The following CEP70 variants were observed in gnomAD, a reference collection of about 807,000 sequenced individuals.
CEP70 encodes centrosomal protein 70, also known as centrosomal protein of 70 kDa.
CEP70 carries 70 observed loss-of-function variants against 90.9 expected under a neutral mutation model. The observed-to-expected ratio is 0.77, with a 90% CI of 0.64 to 0.94. The LOEUF (loss-of-function observed/expected upper bound fraction) is 0.94, where lower values mean the gene tolerates loss of function less well. CEP70 is among the 40% of genes least tolerant of loss of function. The pLI, the probability that CEP70 is intolerant of heterozygous loss-of-function variation, is 0.00. For synonymous variants in CEP70, 220 were observed against 228.3 expected, an observed-to-expected ratio of 0.96 and a Z score of 0.33; for missense variants, 648 against 669.0, an observed-to-expected ratio of 0.97 and a Z score of 0.35.
intron 11 of CEP70, among the ~76,000 whole-genome samples, chr3:138,511,531 TAATA>T (rs1456698391): frequency 6.6e-6 from 1 of 152,250 alleles, no homozygotes; most frequent in African/African-American, 2.4e-5. Context: ...CAAATCTGAT[TAATA>T]AATGTTACAC....
chr3:138,587,526 T>TA (rs2042161993), intron 2 of CEP70, among the ~76,000 whole-genome samples: 1 of 150,562 alleles, frequency 6.6e-6, no homozygotes, highest in Admixed American at 6.7e-5. Flanking sequence ...CTCACACCTG[T>TA]AATCCCAGCA....
At chr3:138,535,432 A>G (rs1252892096) in intron 7 of CEP70, among the ~76,000 whole-genome samples, 2 of 152,154 alleles carry the variant, frequency 1.3e-5, no homozygotes, top group Admixed American at 1.3e-4. Flanking sequence ...ACTTACATGC[A>G]TATATGTCTA....
At chr3:138,593,807 C>T (rs1172667594) in intron 1 of CEP70, 1 of 152,150 alleles carries the variant, frequency 6.6e-6, no homozygotes, top group East Asian at 1.9e-4. Context: ...CAGCCCGGGT[C>T]GATTTTGGGG....
intron 2 of CEP70, among the ~76,000 whole-genome samples, chr3:138,588,539 T>C (rs1324843259): frequency 6.6e-6 from 1 of 152,166 alleles, no homozygotes; most frequent in Non-Finnish European, 1.5e-5. Context: ...AAACACACGA[T>C]GTGACACCAC....
At chr3:138,557,386 A>T (rs2108012479) in intron 6 of CEP70, among the ~76,000 whole-genome samples, 1 of 152,310 alleles carries the variant, frequency 6.6e-6, no homozygotes, top group East Asian at 1.9e-4. Flanking sequence ...AGCTGACAGG[A>T]TTAAGAGATT....
rs538715820 is a variant in CEP70, at chr3:138,552,317, C to T, written c.466-14970G>A. ...AATGGATTTAAACTATACCCCGGAA[C>T]AAATAAACTTAACAGATATTTACAA... On this transcript the variant is annotated intron_variant, in intron 6 of 17. Transcript: ENST00000264982. Among the ~76,000 whole-genome samples the T allele has an allele frequency of 1.2e-4, 19 of 152,256 alleles. No homozygotes were observed. In the East Asian group the frequency reaches 2.3e-3, roughly 19 times the overall value.
At chr3:138,553,133 G>A (rs552205299) in intron 6 of CEP70, among the ~76,000 whole-genome samples, 15 of 151,904 alleles carry the variant, frequency 9.9e-5, no homozygotes, top group African/African-American at 3.1e-4. Flanking sequence ...GGAAGAATTC[G>A]AAACCCTAGA....
intron 6 of CEP70, among the ~76,000 whole-genome samples, chr3:138,551,813 T>C (rs1319489449): frequency 6.7e-6 from 1 of 148,706 alleles, no homozygotes; most frequent in African/African-American, 2.5e-5. Context: ...ATGAATGGAA[T>C]AGTACCTCAC....
chr3:138,537,302 T>C lies in CEP70; in HGVS notation c.511A>G (p.Thr171Ala), dbSNP rs1460835180. Residue 171 changes from threonine to alanine, a missense_variant, in exon 7 of 18, where the codon ACT becomes GCT. By Grantham distance (58) the Thr-to-Ala change is moderately conservative (BLOSUM62 0). Transcript: ENST00000264982. The part of the protein sequence containing the change: ...YKKKRTEQEE[T>A]IASLQMEVCR... The stretch of plus-strand genomic sequence containing the variant: ...ACTTCCATTTGCAAAGAAGCAATAG[T>C]TTCTTCTTGCTCCGTTCGTTTTTTC... 2 of 1,605,970 alleles carry C rather than the reference T, an allele frequency of 1.2e-6. No individual in the cohort carries two copies. Among genetic ancestry groups the C allele is most frequent in the Non-Finnish European group, 1.7e-6 (2 of 1,177,092 alleles).
chr3:138,573,309 A>C lies in CEP70; in HGVS notation c.-5-377T>G, dbSNP rs76597130. Among the ~76,000 whole-genome samples, 852 of 152,204 alleles carry C rather than the reference A, an allele frequency of 5.6e-3. 7 individuals carry two copies. The highest frequency in any genetic ancestry group is 0.02 in the African/African-American group (820 of 41,522). Reference sequence around the variant, plus strand: ...CATTTGAAGAGCTAATGGCTAAGAAAAATTTGAGAATCAATGAAAGACATA... The same window carrying C: ...CATTTGAAGAGCTAATGGCTAAGAACAATTTGAGAATCAATGAAAGACATA... On this transcript the variant is annotated intron_variant, in intron 2 of 17. Coordinates refer to ENST00000264982, the MANE Select transcript of CEP70 (RefSeq NM_024491.4).
intron 11 of CEP70, among the ~76,000 whole-genome samples, chr3:138,524,388 A>C (rs61461361): frequency 0.13 from 19,670 of 151,970 alleles, 2,668 homozygotes; most frequent in East Asian, 0.37. Context: ...ATCTAATTAA[A>C]CTAAAGAGCT....
chr3:138,552,913 A>C lies in CEP70; in HGVS notation c.466-15566T>G, dbSNP rs565012261. On this transcript the variant is annotated intron_variant, in intron 6 of 17. Coordinates refer to ENST00000264982, the MANE Select transcript of CEP70 (RefSeq NM_024491.4). ...AAGCTGGTTCCTTGAAAAGATAAAT[A>C]AAATTGATAGACCACTAGCAAGATG... Among the ~76,000 whole-genome samples, 16 of 152,296 alleles carry C rather than the reference A, an allele frequency of 1.1e-4. No individual in the cohort carries two copies. The South Asian group carries it at 2.5e-3, about 24-fold the overall frequency.
intron 2 of CEP70, among the ~76,000 whole-genome samples, chr3:138,575,493 AT>A (rs1440761179): frequency 6.6e-6 from 1 of 152,126 alleles, no homozygotes; most frequent in Non-Finnish European, 1.5e-5. Context: ...CCCAAAAGTG[AT>A]GGGGGGAATG....
intron 11 of CEP70, among the ~76,000 whole-genome samples, chr3:138,521,573 G>GC (rs1382785781): frequency 1.4e-5 from 2 of 147,210 alleles, no homozygotes; most frequent in African/African-American, 5.1e-5. Context: ...CTGCCCGGCC[G>GC]CCCTGTCTGG....
chr3:138,587,285 A>T (rs1490690903), intron 2 of CEP70, among the ~76,000 whole-genome samples: 1 of 95,736 alleles, frequency 1.0e-5, no homozygotes, highest in African/African-American at 3.8e-5. Flanking sequence ...AAAGGAAAAC[A>T]ATTTTAAAAA....
At chr3:138,567,409 C>T (rs1020470115) in intron 6 of CEP70, among the ~76,000 whole-genome samples, 3 of 152,182 alleles carry the variant, frequency 2.0e-5, no homozygotes, top group Admixed American at 6.5e-5. Flanking sequence ...AAGAAGCTGA[C>T]ACCTCAAAAC....
chr3:138,496,877 T>G (rs1318846950), intron 17 of CEP70: 1 of 985,442 alleles, frequency 1.0e-6, no homozygotes, highest in Non-Finnish European at 1.2e-6. Context: ...GAAGTTTCTA[T>G]AGAAGCATTC....
intron 14 of CEP70, 63 bp downstream of exon 14, chr3:138,500,672 T>G: frequency 6.7e-7 from 1 of 1,493,940 alleles, no homozygotes; most frequent in East Asian, 2.3e-5. Flanking sequence ...AATATCAATA[T>G]CCACAATTTA....
intron 6 of CEP70, among the ~76,000 whole-genome samples, chr3:138,539,814 TCAGAGATCACCAAA>T (rs531910760): frequency 8.4e-4 from 128 of 152,216 alleles, no homozygotes; most frequent in Non-Finnish European, 9.9e-4. Context: ...AACAGGAAGG[TCAGAGATCACCAAA>T]CAGATTCAAT....
Sources: gnomAD v4.1 joint callset for allele counts (sites outside exome capture counted in the v4.1 genomes callset) on GRCh38, gnomAD v4.1.1 for gene constraint, MANE v1.5 for transcripts, NCBI Gene and HGNC (gene_info 2026-07-23, HGNC 2026-07-21) for gene names.